The following FRMPD4 variants were observed in gnomAD, a reference collection of about 807,000 sequenced individuals.
FRMPD4 encodes FERM and PDZ domain containing 4.
In FRMPD4, 22 loss-of-function variants were observed where a neutral mutation model predicts 94.1. The observed-to-expected ratio is 0.23, with a 90% confidence interval of 0.17 to 0.33. The LOEUF (loss-of-function observed/expected upper bound fraction) is 0.33, where lower values mean the gene tolerates loss of function less well. Ranked by LOEUF, FRMPD4 falls within the 10% of genes least tolerant of loss-of-function variation. The pLI, the probability that FRMPD4 is intolerant of heterozygous loss-of-function variation, is 1.00. For synonymous variants in FRMPD4, 631 were observed against 548.6 expected, an observed-to-expected ratio of 1.15 and a Z score of -2.10; for missense variants, 1,111 against 1,339.9, an observed-to-expected ratio of 0.83 and a Z score of 2.67.
At chrX:12,438,326 G>T (rs964636931) in intron 1 of FRMPD4, among the ~76,000 whole-genome samples, 9 of 109,269 alleles carry the variant, frequency 8.2e-5, no homozygotes, top group African/African-American at 3.0e-4. Flanking sequence ...TGCAACTTGG[G>T]ATTGGATATA....
chrX:12,453,575 A>G (rs745480449), intron 1 of FRMPD4, among the ~76,000 whole-genome samples: 4 of 111,661 alleles, frequency 3.6e-5, no homozygotes, highest in African/African-American at 1.3e-4. Context: ...CCTCAGTATC[A>G]GTTCCGAGTT....
At chrX:12,277,668 G>A (rs1601770697) in intron 1 of FRMPD4, among the ~76,000 whole-genome samples, 1 of 111,788 alleles carries the variant, frequency 8.9e-6, no homozygotes, top group Admixed American at 9.5e-5. Context: ...AGGACCTGCT[G>A]TTTTCGAGTG....
At chrX:11,926,258 C>CA (rs763084115) in intron 3 of FRMPD4, among the ~76,000 whole-genome samples, 3,879 of 30,079 alleles carry the variant, frequency 0.13, 201 homozygotes, top group African/African-American at 0.21. Flanking sequence ...GCTTACCAAC[C>CA]AAAAAAAAAA....
At chrX:12,453,335 A>G (rs1410351270) in intron 1 of FRMPD4, among the ~76,000 whole-genome samples, 4 of 112,171 alleles carry the variant, frequency 3.6e-5, no homozygotes, top group African/African-American at 1.3e-4. Flanking sequence ...GTTAGAGAAA[A>G]AAAATGAGGG....
chrX:12,331,075 T>C (rs1423594441), intron 1 of FRMPD4, among the ~76,000 whole-genome samples: 1 of 111,860 alleles, frequency 8.9e-6, no homozygotes, highest in Admixed American at 9.6e-5. Context: ...TGTCAATTAA[T>C]GGGCATGTCT....
At chrX:12,595,146 A>C (rs762968209) in intron 2 of FRMPD4, among the ~76,000 whole-genome samples, 1 of 112,139 alleles carries the variant, frequency 8.9e-6, no homozygotes, top group East Asian at 2.8e-4. Context: ...AGGTTAGATA[A>C]CATGAACGTC....
chrX:11,934,993 C>T (rs6640826), intron 3 of FRMPD4, among the ~76,000 whole-genome samples: 35,332 of 104,320 alleles, frequency 0.34, 4,879 homozygotes, highest in East Asian at 0.82. Context: ...TGTTGAAGGT[C>T]GAGGTCTTTC....
intron 1 of FRMPD4, among the ~76,000 whole-genome samples, chrX:12,180,431 C>G (rs1255834854): frequency 9.0e-6 from 1 of 111,533 alleles, no homozygotes; most frequent in Non-Finnish European, 1.9e-5. Flanking sequence ...GGGTAATTTC[C>G]TCTGTGATCC....
chrX:12,265,525 G>C (rs1177664940), intron 1 of FRMPD4, among the ~76,000 whole-genome samples: 3 of 111,533 alleles, frequency 2.7e-5, no homozygotes, highest in Admixed American at 9.5e-5. Flanking sequence ...GTGTTTAAAG[G>C]GCATTTTGAT....
rs1003822782 is a variant in FRMPD4 at position 12,318,598 on chromosome X, G to C, written c.41+179586G>C. 2.7e-5 allele frequency among the ~76,000 whole-genome samples: 3 copies of C among 111,917 alleles called. No individual in the cohort carries two copies. In the East Asian group the frequency reaches 8.4e-4, roughly 31 times the overall value. On this transcript the variant is annotated intron_variant, in intron 1 of 16. Coordinates refer to ENST00000675598, the MANE Select transcript of FRMPD4 (RefSeq NM_001368397.1). ...ATTGACCTCATGGAGGTAGAGAGTA[G>C]AATGGTGGTTACCAGAGGCTGGGAA...
intron 4 of FRMPD4, among the ~76,000 whole-genome samples, chrX:12,644,469 C>CA (rs1364632627): frequency 2.7e-5 from 3 of 111,449 alleles, no homozygotes; most frequent in Non-Finnish European, 5.6e-5. Context: ...GTGAGGCACC[C>CA]ACTCAGCAAC....
In FRMPD4 at chrX:12,099,251, C is replaced by G. The variant is rs2055234738; in HGVS notation, c.95+221233C>G. Among the ~76,000 whole-genome samples, 4 of 111,272 alleles carry G rather than the reference C, an allele frequency of 3.6e-5. No individual in the cohort carries two copies. The South Asian group carries it at 1.5e-3, about 42-fold the overall frequency. On this transcript the variant is annotated intron_variant, in intron 3 of 18. Transcript: ENST00000640291. ...AATATATATATATATTTCCAGTTGA[C>G]TGTTACTCTTTCTCCATTTTCTCTT... is the stretch of plus-strand genomic sequence containing the variant.
At chrX:12,014,441 C>T (rs1339510730) in intron 3 of FRMPD4, among the ~76,000 whole-genome samples, 3 of 111,608 alleles carry the variant, frequency 2.7e-5, no homozygotes, top group Admixed American at 9.6e-5. Context: ...TGCTACATTC[C>T]AGTTGTTTCA....
chrX:11,942,170 T>C (rs1355073429), intron 3 of FRMPD4, among the ~76,000 whole-genome samples: 1 of 111,274 alleles, frequency 9.0e-6, no homozygotes, highest in African/African-American at 3.3e-5. Flanking sequence ...GGTAAATTTG[T>C]TTCAACCTCT....
intron 1 of FRMPD4, among the ~76,000 whole-genome samples, chrX:12,385,221 G>GT (rs1436340679): frequency 8.9e-6 from 1 of 112,848 alleles, no homozygotes; most frequent in Non-Finnish European, 1.9e-5. Context: ...AAGTCGGAGG[G>GT]TGGTGCCTTG....
At chrX:11,897,083 G>GA (rs1442629184) in intron 3 of FRMPD4, among the ~76,000 whole-genome samples, 2 of 101,111 alleles carry the variant, frequency 2.0e-5, no homozygotes, top group Admixed American at 1.1e-4. Flanking sequence ...CTGCTTTCCT[G>GA]AAAAACCTTG....
intron 1 of FRMPD4, among the ~76,000 whole-genome samples, chrX:12,284,094 G>T (rs2054565506): frequency 9.0e-6 from 1 of 111,654 alleles, no homozygotes; most frequent in African/African-American, 3.3e-5. Context: ...TGTTTCAGAT[G>T]ACCCCTCTTT....
chrX:11,893,589 C>T (rs868405402), intron 3 of FRMPD4, among the ~76,000 whole-genome samples: 13 of 111,896 alleles, frequency 1.2e-4, no homozygotes, highest in South Asian at 3.7e-4. Flanking sequence ...ATTATATGAA[C>T]GAGCACTTTA....
chrX:12,477,691 T>C (rs919650481), intron 1 of FRMPD4, among the ~76,000 whole-genome samples: 1 of 112,682 alleles, frequency 8.9e-6, no homozygotes, highest in African/African-American at 3.2e-5. Flanking sequence ...TGAGTTTGCA[T>C]TGCAATCATT....
Sources: gnomAD v4.1 joint callset for allele counts (sites outside exome capture counted in the v4.1 genomes callset) on GRCh38, gnomAD v4.1.1 for gene constraint, MANE v1.5 for transcripts, NCBI Gene and HGNC (gene_info 2026-07-23, HGNC 2026-07-21) for gene names.